RBFOX1: variants seen among roughly 807,000 people sequenced by gnomAD.
RBFOX1 encodes the protein RNA binding protein fox-1 homolog 1.
Under a neutral mutation model 57.7 loss-of-function variants are expected in RBFOX1, and 8 were observed. The ratio of observed to expected loss-of-function variants is 0.14; its 90% CI spans 0.08 to 0.25. The LOEUF is 0.25. Among genes scored for constraint, RBFOX1 ranks in the 10% least tolerant of loss-of-function variants. RBFOX1 has a pLI of 1.00. For synonymous variants in RBFOX1, 326 were observed against 222.4 expected (o/e 1.47, Z -4.15); for missense variants, 611 against 548.5 (o/e 1.11, Z -1.14).
At chr16:6,511,758 G>A (rs569840515) in intron 2 of RBFOX1, among the ~76,000 whole-genome samples, 1 of 152,324 alleles carries the variant, frequency 6.6e-6, no homozygotes, top group African/African-American at 2.4e-5. Context: ...TTTATAAGAA[G>A]ACATTGTCCA....
At chr16:5,575,754 G>C (rs1046037883) in intron 2 of RBFOX1, among the ~76,000 whole-genome samples, 9 of 152,090 alleles carry the variant, frequency 5.9e-5, no homozygotes, top group African/African-American at 9.7e-5. Context: ...AGGAAGAAAA[G>C]ATAACTCTAT....
rs1464204506 is a variant in RBFOX1, at chr16:6,323,861, C to T, written c.-64+6804C>T. Reference sequence around the variant, plus strand: ...GATATCTGCTCACTGCAACCTACATCTCCAAGATTCAAGCTATTCTTGTGC... The same window carrying T: ...GATATCTGCTCACTGCAACCTACATTTCCAAGATTCAAGCTATTCTTGTGC... On this transcript the variant is annotated intron_variant, in intron 2 of 15. Transcript: ENST00000550418. Among the ~76,000 whole-genome samples the T allele has an allele frequency of 2.0e-5, 3 of 152,002 alleles. No homozygotes were observed. In the East Asian group the frequency reaches 5.8e-4, roughly 29 times the overall value.
chr16:5,908,616 G>C (rs1162464195), intron 4 of RBFOX1, among the ~76,000 whole-genome samples: 2 of 152,076 alleles, frequency 1.3e-5, no homozygotes, highest in Non-Finnish European at 2.9e-5. Flanking sequence ...GCCTCCCAAA[G>C]TGCAGAGATT....
At chr16:6,808,515 C>T (rs141862073) in intron 3 of RBFOX1, among the ~76,000 whole-genome samples, 1 of 152,200 alleles carries the variant, frequency 6.6e-6, no homozygotes, top group East Asian at 1.9e-4. Flanking sequence ...CCATTACTCT[C>T]TGAGATTAAG....
At chr16:6,629,769 C>G (rs2098359496) in intron 2 of RBFOX1, among the ~76,000 whole-genome samples, 2 of 152,264 alleles carry the variant, frequency 1.3e-5, no homozygotes, top group South Asian at 4.1e-4. Flanking sequence ...CTTAATTAGT[C>G]CTTCTGAGAT....
intron 2 of RBFOX1, among the ~76,000 whole-genome samples, chr16:6,551,515 C>T (rs1039136601): frequency 6.6e-6 from 1 of 152,152 alleles, no homozygotes; most frequent in Non-Finnish European, 1.5e-5. Flanking sequence ...GCTATTGGCT[C>T]ATGAAGTCTG....
At chr16:7,217,855 G>GCGTATGTGTGT in intron 4 of RBFOX1, among the ~76,000 whole-genome samples, 1 of 151,966 alleles carries the variant, frequency 6.6e-6, no homozygotes, top group Admixed American at 6.6e-5. Context: ...CATGTGTGTG[G>GCGTATGTGTGT]GCATGTGTGT....
intron 1 of RBFOX1, among the ~76,000 whole-genome samples, chr16:6,034,850 A>G (rs776035009): frequency 1.3e-5 from 2 of 152,082 alleles, no homozygotes; most frequent in African/African-American, 4.8e-5. Context: ...GTGGGGGCTG[A>G]GAGACCTCAG....
intron 1 of RBFOX1, among the ~76,000 whole-genome samples, chr16:5,424,934 TC>T (rs2067486840): frequency 9.1e-6 from 1 of 110,080 alleles, no homozygotes; most frequent in Non-Finnish European, 1.9e-5. Flanking sequence ...TTTCTTTCTT[TC>T]TCTCTCTTCT....
chr16:6,387,434 G>A (rs1431112668), intron 2 of RBFOX1, among the ~76,000 whole-genome samples: 1 of 150,514 alleles, frequency 6.6e-6, no homozygotes, highest in African/African-American at 2.4e-5. Context: ...TTGCTTGTGA[G>A]GGAAGAGCCA....
Position 6,896,300 on chromosome 16 carries a change from C to G in RBFOX1, c.-15-155757C>G, listed in dbSNP as rs150829071. Reference sequence around the variant, plus strand: ...AACAGTTTATCCTTTTTGGTACTAACAATCCAAGTACACTCTTTTAGTTAT... The same window carrying G: ...AACAGTTTATCCTTTTTGGTACTAAGAATCCAAGTACACTCTTTTAGTTAT... On this transcript the variant is annotated intron_variant, in intron 3 of 15. Transcript: ENST00000550418. Among the ~76,000 whole-genome samples the G allele has an allele frequency of 6.9e-3, 1,050 of 152,234 alleles. 10 individuals are homozygous for G. The highest frequency in any genetic ancestry group is 0.023 in the African/African-American group (971 of 41,550).
At chr16:5,433,374 G>C (rs2067812907) in intron 1 of RBFOX1, among the ~76,000 whole-genome samples, 1 of 152,128 alleles carries the variant, frequency 6.6e-6, no homozygotes, top group Admixed American at 6.5e-5. Flanking sequence ...CTGGGGGTGA[G>C]AATTTGAAGC....
chr16:5,793,873 G>A (rs1463794869), intron 3 of RBFOX1, among the ~76,000 whole-genome samples: 1 of 152,242 alleles, frequency 6.6e-6, no homozygotes, highest in Non-Finnish European at 1.5e-5. Flanking sequence ...CTGGAATCCA[G>A]CACGTTCTCC....
intron 1 of RBFOX1, among the ~76,000 whole-genome samples, chr16:5,407,528 A>G (rs1244930295): frequency 1.3e-5 from 2 of 152,090 alleles, no homozygotes; most frequent in African/African-American, 2.4e-5. Context: ...ACTGGCCCCC[A>G]TGATTGCTGG....
At chr16:6,269,200 C>T (rs976847892) in intron 1 of RBFOX1, among the ~76,000 whole-genome samples, 1 of 152,170 alleles carries the variant, frequency 6.6e-6, no homozygotes, top group Non-Finnish European at 1.5e-5. Flanking sequence ...AAAAATTATA[C>T]TGTCTGATGT....
At chr16:6,816,767 C>G (rs1319557394) in intron 3 of RBFOX1, among the ~76,000 whole-genome samples, 1 of 149,696 alleles carries the variant, frequency 6.7e-6, no homozygotes, top group Non-Finnish European at 1.5e-5. Flanking sequence ...AGAAAAGAAA[C>G]AGGGTGTTGT....
At chr16:6,367,047 C>T (rs1345437333) in intron 2 of RBFOX1, among the ~76,000 whole-genome samples, 1 of 152,196 alleles carries the variant, frequency 6.6e-6, no homozygotes, top group Non-Finnish European at 1.5e-5. Flanking sequence ...TTTTCTTCCT[C>T]ATCCCACTTC....
At chr16:6,092,138 T>C (rs2096184673) in intron 1 of RBFOX1, among the ~76,000 whole-genome samples, 2 of 152,226 alleles carry the variant, frequency 1.3e-5, no homozygotes, top group Admixed American at 6.5e-5. Context: ...AACTGGTACA[T>C]GGGCTTGGTG....
intron 4 of RBFOX1, among the ~76,000 whole-genome samples, chr16:5,993,045 C>G (rs2060428265): frequency 1.3e-5 from 2 of 152,174 alleles, no homozygotes; most frequent in East Asian, 1.9e-4. Context: ...TGAGCCTGAT[C>G]TTTCTCTATG....
Sources: allele counts gnomAD v4.1 joint callset (sites outside exome capture counted in the v4.1 genomes callset), GRCh38; gene constraint gnomAD v4.1.1; transcripts MANE v1.5; gene names NCBI Gene and HGNC (gene_info 2026-07-23, HGNC 2026-07-21).